DPP10: variants seen among roughly 807,000 people sequenced by gnomAD.
DPP10 encodes the protein inactive dipeptidyl peptidase 10.
A neutral mutation model predicts 120.9 loss-of-function variants in DPP10; 33 were observed. The ratio of observed to expected loss-of-function variants is 0.27; its 90% CI spans 0.21 to 0.37. The LOEUF (loss-of-function observed/expected upper bound fraction) is 0.37, where lower values mean the gene tolerates loss of function less well. Among genes scored for constraint, DPP10 ranks in the 10% least tolerant of loss-of-function variants. The pLI is 1.00. For synonymous variants in DPP10, 337 were observed against 326.1 expected (o/e 1.03, Z -0.36); for missense variants, 816 against 942.8 (o/e 0.87, Z 1.76).
At chr2:115,118,927 A>T (rs990903973) in intron 1 of DPP10, among the ~76,000 whole-genome samples, 2 of 152,128 alleles carry the variant, frequency 1.3e-5, no homozygotes, top group African/African-American at 4.8e-5. Flanking sequence ...AAGCAAGTTT[A>T]AGAGCAGGAG....
chr2:114,651,908 C>T (rs889652061), intron 1 of DPP10, among the ~76,000 whole-genome samples: 1 of 152,152 alleles, frequency 6.6e-6, no homozygotes, highest in Middle Eastern at 3.2e-3. Flanking sequence ...GGGCATGCAT[C>T]TCACATTTTA....
At chr2:115,331,668 C>T (rs1176355001) in intron 2 of DPP10, among the ~76,000 whole-genome samples, 1 of 152,158 alleles carries the variant, frequency 6.6e-6, no homozygotes, top group Non-Finnish European at 1.5e-5. Context: ...TTTTCTGCAT[C>T]TATTGAGATA....
intron 1 of DPP10, among the ~76,000 whole-genome samples, chr2:114,714,665 T>C (rs759541566): frequency 6.6e-6 from 1 of 152,176 alleles, no homozygotes; most frequent in Non-Finnish European, 1.5e-5. Flanking sequence ...TTTGGTTATT[T>C]TTCTGAGACT....
At chr2:114,892,397 C>T (rs968348784) in intron 1 of DPP10, among the ~76,000 whole-genome samples, 2 of 152,126 alleles carry the variant, frequency 1.3e-5, no homozygotes, top group Non-Finnish European at 2.9e-5. Flanking sequence ...CCATGGAGAA[C>T]TGAGAAACAA....
chr2:114,663,658 T>TAGAGAGAGAGAGAGAG (rs1385374204), intron 1 of DPP10, among the ~76,000 whole-genome samples: 8 of 91,220 alleles, frequency 8.8e-5, no homozygotes, highest in African/African-American at 6.5e-4. Flanking sequence ...TATATATATA[T>TAGAGAGAGAGAGAGAG]ATATATATAT....
At chr2:115,133,145 G>GTGTGTATATATATATATA (rs1338395575) in intron 1 of DPP10, among the ~76,000 whole-genome samples, 12 of 28,766 alleles carry the variant, frequency 4.2e-4, no homozygotes, top group African/African-American at 1.0e-3. Context: ...GTGTGTGTGT[G>GTGTGTATATATATATATA]TATATATATA....
intron 1 of DPP10, among the ~76,000 whole-genome samples, chr2:114,840,228 A>T (rs1688052580): frequency 6.6e-6 from 1 of 152,184 alleles, no homozygotes; most frequent in South Asian, 2.1e-4. Context: ...TGGAGAGAAG[A>T]TTTTTCATTT....
chr2:115,336,558 A>ACTCTCTCT (rs70941045), intron 2 of DPP10, among the ~76,000 whole-genome samples: 7 of 144,586 alleles, frequency 4.8e-5, no homozygotes, highest in Non-Finnish European at 9.2e-5. Flanking sequence ...ATACATGTGT[A>ACTCTCTCT]CTCTCTCTCT....
chr2:115,732,294 G>A lies in DPP10; in HGVS notation c.697+4358G>A, dbSNP rs568068346. ...AATATTTTTACAGTAAGCTTTACAG[G>A]CATGTCTTAATCTTTTAAGACCAGG... is the stretch of plus-strand genomic sequence containing the variant. On this transcript the variant is annotated intron_variant, in intron 8 of 25. Coordinates refer to ENST00000410059, the MANE Select transcript of DPP10 (RefSeq NM_020868.6). Among the ~76,000 whole-genome samples, 5 of 152,200 alleles carry A rather than the reference G, an allele frequency of 3.3e-5. No homozygotes were observed. In the South Asian group the frequency reaches 8.3e-4, roughly 25 times the overall value.
At chr2:114,839,507 T>C (rs1450516173) in intron 1 of DPP10, among the ~76,000 whole-genome samples, 1 of 152,076 alleles carries the variant, frequency 6.6e-6, no homozygotes, top group African/African-American at 2.4e-5. Flanking sequence ...GAGAAAAAAA[T>C]AGAACCATGA....
At chr2:115,205,256 G>A (rs951336559) in intron 1 of DPP10, among the ~76,000 whole-genome samples, 1 of 151,984 alleles carries the variant, frequency 6.6e-6, no homozygotes. Context: ...TTCATCTTGG[G>A]TTAACTTTTG....
At chr2:115,218,087 A>G (rs1574049290) in intron 1 of DPP10, among the ~76,000 whole-genome samples, 1 of 152,300 alleles carries the variant, frequency 6.6e-6, no homozygotes, top group East Asian at 1.9e-4. Context: ...TTAGTTCCTT[A>G]CTAGGATTCA....
At chr2:114,509,779 A>T (rs1683979619) in intron 1 of DPP10, among the ~76,000 whole-genome samples, 1 of 152,242 alleles carries the variant, frequency 6.6e-6, no homozygotes, top group South Asian at 2.1e-4. Context: ...ATGCTATCAG[A>T]TGCCAATTTG....
intron 1 of DPP10, among the ~76,000 whole-genome samples, chr2:114,709,322 C>T (rs1243559748): frequency 6.6e-6 from 1 of 152,208 alleles, no homozygotes; most frequent in Admixed American, 6.5e-5. Flanking sequence ...TTTCCTCTCT[C>T]TCTCCAGCCT....
rs368697595 is a variant in DPP10, at chr2:114,834,866, A to T, written c.60+392028A>T. ...CCATGTCTACACACCTATGTATATA[A>T]AAGACATATCTACACAACTATGTAT... On this transcript the variant is annotated intron_variant, in intron 1 of 25. Coordinates refer to ENST00000410059, the MANE Select transcript of DPP10 (RefSeq NM_020868.6). 1.1e-3 allele frequency among the ~76,000 whole-genome samples: 119 copies of T among 112,222 alleles called. 2 individuals are homozygous for T. The highest frequency in any genetic ancestry group is 1.5e-3 in the South Asian group (5 of 3,388). 73.6% of individuals were successfully genotyped at this position (112,222 alleles called of 152,430 possible).
At chr2:115,066,411 T>C (rs2105423351) in intron 1 of DPP10, among the ~76,000 whole-genome samples, 1 of 152,248 alleles carries the variant, frequency 6.6e-6, no homozygotes, top group Admixed American at 6.5e-5. Flanking sequence ...AATATGAAAA[T>C]GCTTAATTCA....
intron 21 of DPP10, among the ~76,000 whole-genome samples, chr2:115,830,184 C>T (rs148789563): frequency 0.02 from 3,015 of 151,788 alleles, 94 homozygotes; most frequent in African/African-American, 0.067. Flanking sequence ...GGTGAAACCC[C>T]GTCTCTGCTA....
chr2:114,569,898 C>CA (rs1689493318), intron 1 of DPP10, among the ~76,000 whole-genome samples: 1 of 152,164 alleles, frequency 6.6e-6, no homozygotes, highest in South Asian at 2.1e-4. Flanking sequence ...TCTATGTAGC[C>CA]ATCTATGTCA....
intron 1 of DPP10, among the ~76,000 whole-genome samples, chr2:115,102,600 G>T (rs1382453474): frequency 6.6e-6 from 1 of 151,764 alleles, no homozygotes; most frequent in East Asian, 1.9e-4. Context: ...TAGTAGAGAC[G>T]AGGTTTCACC....
Sources: allele counts gnomAD v4.1 joint callset (sites outside exome capture counted in the v4.1 genomes callset), GRCh38; gene constraint gnomAD v4.1.1; transcripts MANE v1.5; gene names NCBI Gene and HGNC (gene_info 2026-07-23, HGNC 2026-07-21).